Variants in CORIN observed in about 807,000 individuals in gnomAD.
CORIN encodes the protein corin, serine peptidase, also known as atrial natriuretic peptide-converting enzyme.
Under a neutral mutation model 125.3 loss-of-function variants are expected in CORIN, and 117 were observed. The observed-to-expected ratio is 0.93, with a 90% CI of 0.80 to 1.09. The LOEUF is 1.09. Among genes scored for constraint, CORIN ranks in the 50% least tolerant of loss-of-function variants. The pLI is 0.00. For missense variants in CORIN, 1,253 were observed against 1,306.7 expected (o/e 0.96, Z 0.63); for synonymous variants, 450 against 466.4 (o/e 0.96, Z 0.45).
chr4:47,621,751 G>A (rs1405604009), intron 19 of CORIN, among the ~76,000 whole-genome samples: 1 of 151,630 alleles, frequency 6.6e-6, no homozygotes, highest in African/African-American at 2.4e-5. Context: ...TTCTGTGAAG[G>A]TGTTTTTTTT....
At chr4:47,763,607 C>G in intron 3 of CORIN, 21 bp from the exon 4 acceptor site, 1 of 1,592,194 alleles carries the variant, frequency 6.3e-7, no homozygotes, top group Non-Finnish European at 8.6e-7. Context: ...AAGACATGCA[C>G]ATTTAAGAGT....
chr4:47,643,653 G>A (rs999685347), intron 14 of CORIN, among the ~76,000 whole-genome samples: 8 of 151,326 alleles, frequency 5.3e-5, no homozygotes, highest in African/African-American at 1.9e-4. Context: ...TGCATAATAA[G>A]TTTTTTTTTC....
intron 5 of CORIN, among the ~76,000 whole-genome samples, chr4:47,697,661 G>A (rs1212847844): frequency 6.6e-6 from 1 of 152,112 alleles, no homozygotes; most frequent in East Asian, 1.9e-4. Flanking sequence ...AGGTTGCAGT[G>A]AGCCAAGATC....
At chr4:47,651,091 T>A (rs1723714072) in intron 13 of CORIN, among the ~76,000 whole-genome samples, 1 of 152,236 alleles carries the variant, frequency 6.6e-6, no homozygotes, top group Non-Finnish European at 1.5e-5. Context: ...TGTTTCTCCA[T>A]TACAAAAGTG....
intron 5 of CORIN, among the ~76,000 whole-genome samples, chr4:47,708,327 C>T (rs184604601): frequency 6.6e-6 from 1 of 152,316 alleles, no homozygotes; most frequent in East Asian, 1.9e-4. Context: ...GTCTTCAAAG[C>T]CAGTAACATG....
chr4:47,706,381 T>A, intron 5 of CORIN: 1 of 1,606,410 alleles, frequency 6.2e-7, no homozygotes, highest in Non-Finnish European at 8.5e-7. Context: ...GATGGGTGCA[T>A]ACAAGTATAT....
chr4:47,642,823 G>A (rs2109613819), intron 15 of CORIN: 1 of 1,447,920 alleles, frequency 6.9e-7, no homozygotes, highest in Non-Finnish European at 9.0e-7. Flanking sequence ...ACAAAAGAAT[G>A]GCAGACTATC....
At chr4:47,714,179 A>G (rs1017427060) in intron 5 of CORIN, among the ~76,000 whole-genome samples, 1 of 152,204 alleles carries the variant, frequency 6.6e-6, no homozygotes, top group African/African-American at 2.4e-5. Flanking sequence ...GAAATACAGT[A>G]TTGTGCCTGC....
intron 3 of CORIN, among the ~76,000 whole-genome samples, chr4:47,766,844 G>A (rs1729774125): frequency 6.6e-6 from 1 of 151,454 alleles, no homozygotes; most frequent in South Asian, 2.1e-4. Flanking sequence ...TACTCGGGAG[G>A]CTGAGGCAGA....
intron 10 of CORIN, among the ~76,000 whole-genome samples, chr4:47,670,408 T>C (rs1419101135): frequency 6.6e-6 from 1 of 152,202 alleles, no homozygotes; most frequent in East Asian, 1.9e-4. Flanking sequence ...CAGAAGTCTG[T>C]AACCATTATA....
chr4:47,819,034 A>C (rs894204721), intron 1 of CORIN, among the ~76,000 whole-genome samples: 1 of 152,184 alleles, frequency 6.6e-6, no homozygotes, highest in Non-Finnish European at 1.5e-5. Flanking sequence ...AGGTGAGTAC[A>C]TAAGTACTGT....
At chr4:47,701,797 T>C (rs1314758765) in intron 5 of CORIN, among the ~76,000 whole-genome samples, 1 of 150,448 alleles carries the variant, frequency 6.6e-6, no homozygotes, top group Non-Finnish European at 1.5e-5. Context: ...TACATTTCAA[T>C]TTTGGAAGGA....
At chr4:47,738,980 C>T (rs773705479) in intron 5 of CORIN, among the ~76,000 whole-genome samples, 72 of 151,020 alleles carry the variant, frequency 4.8e-4, no homozygotes, top group Non-Finnish European at 8.7e-4. Flanking sequence ...AGAGAAAATC[C>T]GCAAACTTTA....
intron 1 of CORIN, among the ~76,000 whole-genome samples, chr4:47,832,930 T>C (rs1733127029): frequency 6.6e-6 from 1 of 152,182 alleles, no homozygotes; most frequent in African/African-American, 2.4e-5. Flanking sequence ...ATTTTTAATT[T>C]GATTTAATGT....
At chr4:47,707,324 T>C (rs1017912547) in intron 5 of CORIN, among the ~76,000 whole-genome samples, 1 of 152,200 alleles carries the variant, frequency 6.6e-6, no homozygotes, top group Non-Finnish European at 1.5e-5. Context: ...TATGAAAATT[T>C]TGTGACAGTC....
In CORIN at chr4:47,743,346, C is replaced by T. The variant is rs140375450; in HGVS notation, c.799+1056G>A. 5.2e-3 allele frequency among the ~76,000 whole-genome samples: 790 copies of T among 152,246 alleles called. 4 individuals carry two copies. The highest frequency in any genetic ancestry group is 0.018 in the African/African-American group (738 of 41,550). On this transcript the variant is annotated intron_variant, in intron 5 of 21. Transcript: ENST00000273857. ...ATATATCCAACAGATGACTTGTATCCAGAATTCATACAAAACTATAAACTG... is the reference window on the plus strand; with the variant it reads ...ATATATCCAACAGATGACTTGTATCTAGAATTCATACAAAACTATAAACTG...
At chr4:47,727,016 A>G (rs1727622388) in intron 5 of CORIN, among the ~76,000 whole-genome samples, 1 of 152,022 alleles carries the variant, frequency 6.6e-6, no homozygotes, top group African/African-American at 2.4e-5. Flanking sequence ...TATTTGATAA[A>G]TCCTGGCAAT....
At chr4:47,830,991 T>C (rs1732963700) in intron 1 of CORIN, among the ~76,000 whole-genome samples, 1 of 152,234 alleles carries the variant, frequency 6.6e-6, no homozygotes, top group South Asian at 2.1e-4. Flanking sequence ...AAGCACAAGC[T>C]GGAGACACCA....
intron 1 of CORIN, among the ~76,000 whole-genome samples, chr4:47,816,999 C>T (rs1197679560): frequency 6.6e-6 from 1 of 152,192 alleles, no homozygotes; most frequent in Non-Finnish European, 1.5e-5. Flanking sequence ...GTCAGCTTGA[C>T]TCTCTGGATA....
Sources: gnomAD v4.1 joint callset for allele counts (sites outside exome capture counted in the v4.1 genomes callset) on GRCh38, gnomAD v4.1.1 for gene constraint, MANE v1.5 for transcripts, NCBI Gene and HGNC (gene_info 2026-07-23, HGNC 2026-07-21) for gene names.